PPM1L: variants seen among roughly 807,000 people sequenced by gnomAD.
PPM1L encodes protein phosphatase, Mg2+/Mn2+ dependent 1L, also known as protein phosphatase 1L.
Under a neutral mutation model 31.4 loss-of-function variants are expected in PPM1L, and 13 were observed. The observed-to-expected ratio is 0.41, with a 90% CI of 0.27 to 0.66. The LOEUF is 0.66. Ranked by LOEUF, PPM1L falls within the 30% of genes least tolerant of loss-of-function variation. The probability of loss-of-function intolerance (pLI) is 0.29; values close to 1 mark genes in which losing one functional copy is unlikely to be tolerated. For missense variants in PPM1L, 326 were observed against 453.7 expected (o/e 0.72, Z 2.56); for synonymous variants, 184 against 175.4 (o/e 1.05, Z -0.39).
intron 1 of PPM1L, among the ~76,000 whole-genome samples, chr3:160,956,925 C>T (rs149780016): frequency 6.6e-6 from 1 of 152,210 alleles, no homozygotes; most frequent in Non-Finnish European, 1.5e-5. Context: ...TGGTATAAAG[C>T]ATTGAACCAG....
chr3:160,842,173 G>T (rs1239608624), intron 1 of PPM1L: 2 of 685,758 alleles, frequency 2.9e-6, no homozygotes, highest in Non-Finnish European at 5.3e-6. Context: ...AGTTGGGGAG[G>T]ACTCATGCAG....
In PPM1L at chr3:160,874,062, C is replaced by A. The variant is rs558473557; in HGVS notation, c.400-87674C>A. 8.2e-4 allele frequency among the ~76,000 whole-genome samples: 125 copies of A among 152,242 alleles called. 1 individual carries two copies. Among genetic ancestry groups the A allele is most frequent in the African/African-American group, 2.8e-3 (117 of 41,540 alleles). Reference sequence around the variant, plus strand: ...CCAGAGTCTGAACCTCTGTTTTTATCTGGCATGAATTCTTTGTTATGTGGG... The same window carrying A: ...CCAGAGTCTGAACCTCTGTTTTTATATGGCATGAATTCTTTGTTATGTGGG... On this transcript the variant is annotated intron_variant, in intron 1 of 3. Transcript: ENST00000498165.
At chr3:160,771,614 A>G (rs1715259715) in intron 1 of PPM1L, among the ~76,000 whole-genome samples, 1 of 140,334 alleles carries the variant, frequency 7.1e-6, no homozygotes, top group Non-Finnish European at 1.5e-5. Context: ...CAGTTGGAGG[A>G]AATTTAGTCT....
chr3:160,875,092 A>G (rs1476220587), intron 1 of PPM1L, among the ~76,000 whole-genome samples: 1 of 152,214 alleles, frequency 6.6e-6, no homozygotes, highest in African/African-American at 2.4e-5. Flanking sequence ...TTTTGCATAT[A>G]TTATATGGCA....
At chr3:160,770,346 A>G (rs1363205095) in intron 1 of PPM1L, among the ~76,000 whole-genome samples, 1 of 152,190 alleles carries the variant, frequency 6.6e-6, no homozygotes. Flanking sequence ...GATTATTTAA[A>G]AAGTTTGAGA....
chr3:160,854,222 T>C (rs1711608219), intron 1 of PPM1L, among the ~76,000 whole-genome samples: 1 of 152,200 alleles, frequency 6.6e-6, no homozygotes, highest in Non-Finnish European at 1.5e-5. Context: ...AGGGTGGTTT[T>C]TGTTGCCCAT....
intron 1 of PPM1L, among the ~76,000 whole-genome samples, chr3:160,793,691 G>A (rs1712165165): frequency 3.3e-5 from 5 of 152,146 alleles, no homozygotes; most frequent in Admixed American, 3.3e-4. Context: ...CTCTGAAAAG[G>A]AATTTGAATG....
chr3:160,796,755 G>C (rs1712261150), intron 1 of PPM1L, among the ~76,000 whole-genome samples: 1 of 152,070 alleles, frequency 6.6e-6, no homozygotes, highest in African/African-American at 2.4e-5. Context: ...TGTATAAATT[G>C]GTGTGAAACG....
chr3:161,029,452 T>C (rs186967359), intron 2 of PPM1L, among the ~76,000 whole-genome samples: 4 of 152,216 alleles, frequency 2.6e-5, no homozygotes, highest in Non-Finnish European at 5.9e-5. Context: ...AAGAATGTCA[T>C]ACAATTCCAG....
At chr3:160,799,829 A>G (rs1052324345) in intron 1 of PPM1L, among the ~76,000 whole-genome samples, 2 of 152,126 alleles carry the variant, frequency 1.3e-5, no homozygotes, top group Non-Finnish European at 2.9e-5. Context: ...ATTTTCTGAT[A>G]CTTCCCAACA....
chr3:160,941,235 C>T (rs549222914), intron 1 of PPM1L, among the ~76,000 whole-genome samples: 6 of 152,234 alleles, frequency 3.9e-5, no homozygotes, highest in South Asian at 4.1e-4. Flanking sequence ...GGACTTGCCT[C>T]GTCTCAGGTG....
chr3:160,927,657 T>C (rs768094508), intron 1 of PPM1L, among the ~76,000 whole-genome samples: 1 of 152,130 alleles, frequency 6.6e-6, no homozygotes, highest in Non-Finnish European at 1.5e-5. Context: ...CGCATGCACG[T>C]AAATGCGTGT....
intron 1 of PPM1L, among the ~76,000 whole-genome samples, chr3:160,961,314 AAT>A (rs1715957709): frequency 6.6e-6 from 1 of 152,162 alleles, no homozygotes; most frequent in South Asian, 2.1e-4. Flanking sequence ...AGTAGAGACT[AAT>A]AAAACAAAGT....
At chr3:160,880,074 T>A (rs1204061939) in intron 1 of PPM1L, among the ~76,000 whole-genome samples, 6 of 152,188 alleles carry the variant, frequency 3.9e-5, no homozygotes, top group Non-Finnish European at 8.8e-5. Flanking sequence ...TCTGATGTCA[T>A]AAGCAGAGAG....
At chr3:160,935,283 G>A (rs947624872) in intron 1 of PPM1L, among the ~76,000 whole-genome samples, 3 of 152,184 alleles carry the variant, frequency 2.0e-5, no homozygotes, top group African/African-American at 7.2e-5. Context: ...CCCTGAAGAT[G>A]TAGTTTCGAT....
chr3:161,066,467 G>C (rs1210043281), intron 3 of PPM1L, among the ~76,000 whole-genome samples: 1 of 152,256 alleles, frequency 6.6e-6, no homozygotes, highest in East Asian at 1.9e-4. Flanking sequence ...GGTAAGGGGA[G>C]TGTCAGGGAG....
intron 1 of PPM1L, among the ~76,000 whole-genome samples, chr3:160,906,196 G>A (rs1242046526): frequency 3.3e-5 from 5 of 152,084 alleles, no homozygotes; most frequent in Non-Finnish European, 7.4e-5. Flanking sequence ...TAAAAAACAA[G>A]GTGAGGTGTC....
At chr3:160,762,772 A>T (rs1022575472) in intron 1 of PPM1L, among the ~76,000 whole-genome samples, 3 of 152,200 alleles carry the variant, frequency 2.0e-5, no homozygotes, top group African/African-American at 7.2e-5. Flanking sequence ...TACAGAGGAA[A>T]TAAAATGCAG....
chr3:160,787,437 T>C (rs1191566851), intron 1 of PPM1L, among the ~76,000 whole-genome samples: 3 of 152,170 alleles, frequency 2.0e-5, no homozygotes, highest in Non-Finnish European at 2.9e-5. Context: ...TTGCCCATTT[T>C]TTGATGGGGT....
Sources: allele counts gnomAD v4.1 joint callset (sites outside exome capture counted in the v4.1 genomes callset), GRCh38; gene constraint gnomAD v4.1.1; transcripts MANE v1.5; gene names NCBI Gene and HGNC (gene_info 2026-07-23, HGNC 2026-07-21).